The following PRKCE variants were observed in gnomAD, a reference collection of about 807,000 sequenced individuals.
PRKCE encodes protein kinase C epsilon.
Under a neutral mutation model 85.4 loss-of-function variants are expected in PRKCE, and 16 were observed. The ratio of observed to expected loss-of-function variants is 0.19; its 90% CI spans 0.13 to 0.28. PRKCE has a LOEUF of 0.28. PRKCE is among the 10% of genes least tolerant of loss of function. PRKCE has a pLI of 1.00. For missense variants in PRKCE, 573 were observed against 975.2 expected, an observed-to-expected ratio of 0.59 and a Z score of 5.49; for synonymous variants, 388 against 371.5, an observed-to-expected ratio of 1.04 and a Z score of -0.51.
At chr2:46,109,951 A>T (rs1672101625) in intron 11 of PRKCE, among the ~76,000 whole-genome samples, 1 of 152,126 alleles carries the variant, frequency 6.6e-6, no homozygotes, top group African/African-American at 2.4e-5. Flanking sequence ...GCATTAATTG[A>T]TATGATCAAA....
At chr2:45,823,255 C>G (rs1020701319) in intron 1 of PRKCE, among the ~76,000 whole-genome samples, 1 of 152,238 alleles carries the variant, frequency 6.6e-6, no homozygotes, top group African/African-American at 2.4e-5. Context: ...CACAGCCTTC[C>G]TGCTACTTCA....
At chr2:45,694,322 G>A (rs761611397) in intron 1 of PRKCE, among the ~76,000 whole-genome samples, 13 of 151,958 alleles carry the variant, frequency 8.6e-5, no homozygotes, top group Non-Finnish European at 1.8e-4. Flanking sequence ...CTTTGCCCTC[G>A]CCCCTGCCTC....
At chr2:45,668,877 T>C (rs1385326386) in intron 1 of PRKCE, among the ~76,000 whole-genome samples, 1 of 152,160 alleles carries the variant, frequency 6.6e-6, no homozygotes, top group African/African-American at 2.4e-5. Flanking sequence ...GACGGCCCTT[T>C]CGTATACAGT....
At chr2:45,935,890 T>C (rs1041105612) in intron 2 of PRKCE, among the ~76,000 whole-genome samples, 16 of 152,172 alleles carry the variant, frequency 1.1e-4, no homozygotes, top group African/African-American at 3.1e-4. Flanking sequence ...CCTGGACCCA[T>C]TGTGCTCTGG....
At chr2:46,066,351 C>A (rs1458085747) in intron 10 of PRKCE, among the ~76,000 whole-genome samples, 1 of 151,892 alleles carries the variant, frequency 6.6e-6, no homozygotes, top group Non-Finnish European at 1.5e-5. Context: ...TTTTTGAGAC[C>A]TCACTTTCTT....
At chr2:46,037,179 G>A (rs1428499851) in intron 10 of PRKCE, among the ~76,000 whole-genome samples, 1 of 152,184 alleles carries the variant, frequency 6.6e-6, no homozygotes, top group East Asian at 1.9e-4. Flanking sequence ...ATAAGTCTCT[G>A]CGGTCTGCAG....
chr2:45,990,589 C>T (rs967229767), intron 6 of PRKCE, among the ~76,000 whole-genome samples: 2 of 152,088 alleles, frequency 1.3e-5, no homozygotes, highest in East Asian at 1.9e-4. Context: ...TCTTGTCTCT[C>T]GTCTCTTACT....
intron 14 of PRKCE, among the ~76,000 whole-genome samples, chr2:46,175,710 G>A (rs908713094): frequency 6.6e-6 from 1 of 152,186 alleles, no homozygotes; most frequent in East Asian, 1.9e-4. Flanking sequence ...CTGATTCCAT[G>A]AGAGTTCTCA....
intron 1 of PRKCE, among the ~76,000 whole-genome samples, chr2:45,727,217 A>G (rs1168306566): frequency 6.6e-6 from 1 of 152,242 alleles, no homozygotes; most frequent in Non-Finnish European, 1.5e-5. Context: ...AGAACAGCTT[A>G]CCTACCTCTT....
intron 2 of PRKCE, among the ~76,000 whole-genome samples, chr2:45,845,958 AG>A (rs1396269082): frequency 6.6e-6 from 1 of 152,218 alleles, no homozygotes; most frequent in Non-Finnish European, 1.5e-5. Context: ...TACAGAAAAA[AG>A]GAGTTGCAAG....
At chr2:45,733,883 C>T (rs760148452) in intron 1 of PRKCE, among the ~76,000 whole-genome samples, 47 of 152,156 alleles carry the variant, frequency 3.1e-4, no homozygotes, top group Non-Finnish European at 1.5e-4. Context: ...CTCAGAACAA[C>T]GATTTTGCTT....
intron 2 of PRKCE, among the ~76,000 whole-genome samples, chr2:45,966,726 G>C (rs2595204): frequency 1.3e-5 from 2 of 151,796 alleles, no homozygotes; most frequent in African/African-American, 4.8e-5. Context: ...CAGTTTTCCC[G>C]GTCCTAAAGC....
intron 2 of PRKCE, among the ~76,000 whole-genome samples, chr2:45,945,929 T>C (rs765124696): frequency 2.4e-4 from 36 of 152,350 alleles, no homozygotes; most frequent in Non-Finnish European, 4.4e-4. Context: ...CTTATCCCTA[T>C]GTGTGAAGCC....
chr2:45,738,536 T>G (rs570031155), intron 1 of PRKCE, among the ~76,000 whole-genome samples: 34 of 152,360 alleles, frequency 2.2e-4, no homozygotes, highest in African/African-American at 8.2e-4. Context: ...GTTTTCTCTT[T>G]CTTTTGGATT....
At chr2:46,099,517 G>A (rs561885676) in intron 11 of PRKCE, among the ~76,000 whole-genome samples, 6 of 143,850 alleles carry the variant, frequency 4.2e-5, no homozygotes, top group East Asian at 4.0e-4. Context: ...TTTTTTTTAC[G>A]CTAACTTTTC....
chr2:46,112,492 G>GT lies in PRKCE; in HGVS notation c.1592+26140dup, dbSNP rs58558782. ...CTTTATCCCTGTTTTTGTTTTTTTGGTTTTTTTTTTGTTTGTTTGTTTGTT... is the reference window on the plus strand; with the variant it reads ...CTTTATCCCTGTTTTTGTTTTTTTGGTTTTTTTTTTTGTTTGTTTGTTTGTT... On this transcript the variant is annotated intron_variant, in intron 11 of 14. Coordinates refer to ENST00000306156, the MANE Select transcript of PRKCE (RefSeq NM_005400.3). Among the ~76,000 whole-genome samples the GT allele has an allele frequency of 1.7e-3, 218 of 128,872 alleles. 1 individual carries two copies. Among genetic ancestry groups the GT allele is most frequent in the African/African-American group, 5.0e-3 (192 of 38,164 alleles). 84.5% of individuals were successfully genotyped at this position (128,872 alleles called of 152,430 possible). A position where few individuals can be genotyped will look rare whatever the true frequency, so the allele number is the denominator to read the frequency against.
intron 1 of PRKCE, among the ~76,000 whole-genome samples, chr2:45,661,817 G>A (rs115883638): frequency 0.014 from 2,185 of 152,050 alleles, 56 homozygotes; most frequent in African/African-American, 0.05. Flanking sequence ...GGAATTACAG[G>A]CGTGAGCTAC....
At chr2:45,898,231 C>T (rs766604049) in intron 2 of PRKCE, among the ~76,000 whole-genome samples, 1 of 152,166 alleles carries the variant, frequency 6.6e-6, no homozygotes, top group Non-Finnish European at 1.5e-5. Flanking sequence ...GTCCAGCCCA[C>T]ACTAGGAGGG....
Position 46,151,273 on chromosome 2 carries a change from CT to C in PRKCE, c.1920+45del, listed in dbSNP as rs1442507987. The C allele has an allele frequency of 2.9e-6, 4 of 1,369,026 alleles. No individual in the cohort carries two copies. The African/African-American group carries it at 6.3e-5, about 22-fold the overall frequency. 84.8% of individuals were successfully genotyped at this position (1,369,026 alleles called of 1,614,324 possible). On this transcript the variant is annotated intron_variant, in intron 13 of 14. Transcript: ENST00000306156. Reference sequence around the variant, plus strand: ...CCCATGGCTGTGCTCTCCTGGGCTCCTCCCCCTACACACACACACACACACA... The same window carrying C: ...CCCATGGCTGTGCTCTCCTGGGCTCCCCCCCTACACACACACACACACACA...
Sources: gnomAD v4.1 joint callset for allele counts (sites outside exome capture counted in the v4.1 genomes callset) on GRCh38, gnomAD v4.1.1 for gene constraint, MANE v1.5 for transcripts, NCBI Gene and HGNC (gene_info 2026-07-23, HGNC 2026-07-21) for gene names.